PTPRD: variants seen among roughly 807,000 people sequenced by gnomAD.
The protein encoded by PTPRD is protein tyrosine phosphatase receptor type D.
Under a neutral mutation model 214.5 loss-of-function variants are expected in PTPRD, and 34 were observed. The ratio of observed to expected loss-of-function variants is 0.16; its 90% CI spans 0.12 to 0.21. PTPRD has a LOEUF of 0.21. PTPRD is among the 10% of genes least tolerant of loss of function. PTPRD has a pLI of 1.00. For synonymous variants in PTPRD, 1,128 were observed against 845.7 expected (o/e 1.33, Z -5.79); for missense variants, 2,545 against 2,398.7 (o/e 1.06, Z -1.27).
chr9:9,303,016 A>T (rs1955987758), intron 9 of PTPRD, among the ~76,000 whole-genome samples: 1 of 151,936 alleles, frequency 6.6e-6, no homozygotes, highest in Non-Finnish European at 1.5e-5. Context: ...ACTGCTTGTC[A>T]GTAAATATTC....
At chr9:10,445,974 A>G (rs2098796110) in intron 2 of PTPRD, among the ~76,000 whole-genome samples, 1 of 152,106 alleles carries the variant, frequency 6.6e-6, no homozygotes. Context: ...AAATGTGTGT[A>G]TTCAGAAGTG....
At chr9:8,698,623 C>T (rs760574953) in intron 12 of PTPRD, among the ~76,000 whole-genome samples, 3 of 152,188 alleles carry the variant, frequency 2.0e-5, no homozygotes, top group African/African-American at 4.8e-5. Context: ...CTCAGGAAGG[C>T]TGTATGACCA....
intron 4 of PTPRD, among the ~76,000 whole-genome samples, chr9:9,980,718 A>AT: frequency 6.6e-6 from 1 of 151,386 alleles, no homozygotes; most frequent in East Asian, 1.9e-4. Flanking sequence ...TACAGAAAAA[A>AT]AAATTAACAC....
intron 2 of PTPRD, among the ~76,000 whole-genome samples, chr9:10,533,249 G>C (rs919770190): frequency 5.9e-5 from 9 of 152,166 alleles, no homozygotes; most frequent in Admixed American, 4.6e-4. Context: ...AGAATGGTGA[G>C]CTAAATAAAC....
intron 9 of PTPRD, among the ~76,000 whole-genome samples, chr9:9,309,606 G>T (rs1226415071): frequency 6.6e-6 from 1 of 152,112 alleles, no homozygotes; most frequent in Non-Finnish European, 1.5e-5. Context: ...GCACATCAAA[G>T]AGAGACTCTA....
At position 9,372,063 on chromosome 9, in the gene PTPRD, G is replaced by A. The variant is rs181964143; in HGVS notation, c.-203+25386C>T. On this transcript the variant is annotated intron_variant, in intron 9 of 45. Transcript: ENST00000381196. ...TGATCAATTTTGGAATAAGTGCAGT[G>A]TGGTGCTGAAAAGAATGTATATTCT... Among the ~76,000 whole-genome samples the A allele has an allele frequency of 4.6e-5, 7 of 152,302 alleles. No individual in the cohort carries two copies. The East Asian group carries it at 9.7e-4, about 21-fold the overall frequency.
intron 25 of PTPRD, 35 bp downstream of exon 25, chr9:8,499,612 T>C (rs1330651111): frequency 6.3e-7 from 1 of 1,578,420 alleles, no homozygotes; most frequent in African/African-American, 1.4e-5. Context: ...AAACTTATTA[T>C]ATAAAAACAG....
intron 36 of PTPRD, among the ~76,000 whole-genome samples, chr9:8,389,759 G>A (rs560337196): frequency 9.9e-5 from 15 of 152,230 alleles, no homozygotes; most frequent in Middle Eastern, 3.4e-3. Flanking sequence ...TCACCCATGT[G>A]CTTCCCAGGC....
At chr9:10,180,873 G>A (rs2099278367) in intron 3 of PTPRD, among the ~76,000 whole-genome samples, 1 of 151,846 alleles carries the variant, frequency 6.6e-6, no homozygotes, top group Non-Finnish European at 1.5e-5. Flanking sequence ...AAATATTAAT[G>A]ATGGAAAAGA....
intron 7 of PTPRD, among the ~76,000 whole-genome samples, chr9:9,651,696 A>G (rs371331268): frequency 2.0e-5 from 3 of 152,096 alleles, no homozygotes; most frequent in Middle Eastern, 3.2e-3. Context: ...TGGTGCTGCA[A>G]TGAACATATG....
intron 11 of PTPRD, among the ~76,000 whole-genome samples, chr9:8,789,366 T>C (rs1439406173): frequency 2.6e-5 from 4 of 152,166 alleles, no homozygotes; most frequent in Non-Finnish European, 4.4e-5. Flanking sequence ...CTTCCTTCAG[T>C]AGTTGGATAC....
At chr9:8,751,962 G>A (rs1197200388) in intron 11 of PTPRD, among the ~76,000 whole-genome samples, 1 of 152,106 alleles carries the variant, frequency 6.6e-6, no homozygotes, top group Non-Finnish European at 1.5e-5. Context: ...CCAAAAGAAT[G>A]GGACAAAAGC....
chr9:10,607,110 G>A (rs941344580), intron 2 of PTPRD, among the ~76,000 whole-genome samples: 13 of 151,646 alleles, frequency 8.6e-5, no homozygotes, highest in South Asian at 6.2e-4. Flanking sequence ...GTATATAATC[G>A]AATATGAAAT....
chr9:9,205,573 T>C (rs2099944328), intron 9 of PTPRD, among the ~76,000 whole-genome samples: 1 of 152,246 alleles, frequency 6.6e-6, no homozygotes, highest in African/African-American at 2.4e-5. Flanking sequence ...GTCTTCTTTC[T>C]TTGCATTATC....
intron 35 of PTPRD, among the ~76,000 whole-genome samples, chr9:8,416,645 C>A (rs1450331406): frequency 6.6e-6 from 1 of 151,398 alleles, no homozygotes; most frequent in South Asian, 2.1e-4. Context: ...AGATTTATGA[C>A]CAGGAAAGAA....
At chr9:8,596,743 T>C (rs1044865745) in intron 14 of PTPRD, among the ~76,000 whole-genome samples, 3 of 152,122 alleles carry the variant, frequency 2.0e-5, no homozygotes, top group African/African-American at 7.2e-5. Context: ...TCCTAAACAA[T>C]GCTATAATAT....
At chr9:8,782,830 G>A (rs575565820) in intron 11 of PTPRD, among the ~76,000 whole-genome samples, 15 of 152,034 alleles carry the variant, frequency 9.9e-5, no homozygotes, top group South Asian at 6.2e-4. Context: ...TCCTGACCTC[G>A]TGATCTGCCC....
At chr9:8,552,861 G>C (rs1369909745) in intron 14 of PTPRD, among the ~76,000 whole-genome samples, 1 of 152,170 alleles carries the variant, frequency 6.6e-6, no homozygotes, top group Non-Finnish European at 1.5e-5. Context: ...TAGCACTGGG[G>C]CTGCTTGTGA....
intron 8 of PTPRD, among the ~76,000 whole-genome samples, chr9:9,568,487 T>C (rs1404332603): frequency 1.3e-5 from 2 of 151,882 alleles, no homozygotes; most frequent in Admixed American, 6.6e-5. Context: ...TACTGAATAA[T>C]ACCTGACTGA....
Sources: allele counts gnomAD v4.1 joint callset (sites outside exome capture counted in the v4.1 genomes callset), GRCh38; gene constraint gnomAD v4.1.1; transcripts MANE v1.5; gene names NCBI Gene and HGNC (gene_info 2026-07-23, HGNC 2026-07-21).